Variants in NRG1 observed in about 807,000 individuals in gnomAD.
NRG1 encodes pro-neuregulin-1, membrane-bound isoform.
In NRG1, 18 loss-of-function variants were observed where a neutral mutation model predicts 63.8. That is an observed-to-expected ratio of 0.28 (90% CI 0.19 to 0.42). NRG1 has a LOEUF of 0.42. Among genes scored for constraint, NRG1 ranks in the 10% least tolerant of loss-of-function variants. NRG1 has a pLI of 1.00. For missense variants in NRG1, 762 were observed against 814.7 expected (o/e 0.94, Z 0.79); for synonymous variants, 302 against 301.3 (o/e 1.00, Z -0.02).
intron 1 of NRG1, among the ~76,000 whole-genome samples, chr8:32,409,786 G>T (rs1219812041): frequency 6.6e-6 from 1 of 152,044 alleles, no homozygotes; most frequent in Admixed American, 6.6e-5. Flanking sequence ...GTGCAAACTG[G>T]GTGATGACAT....
chr8:31,894,702 C>G (rs1831432990), intron 1 of NRG1, among the ~76,000 whole-genome samples: 1 of 151,964 alleles, frequency 6.6e-6, no homozygotes, highest in South Asian at 2.1e-4. Context: ...AGGTGCCCAC[C>G]ACCACGCCCG....
exon 11 of NRG1, chr8:32,760,372 C>T: frequency 1.2e-6 from 2 of 1,613,894 alleles, no homozygotes; most frequent in Admixed American, 1.7e-5. Flanking sequence ...CAGAGAAACC[C>T]CTGATTCCTA....
At chr8:32,724,808 A>G (rs1229441269) in intron 5 of NRG1, among the ~76,000 whole-genome samples, 1 of 152,182 alleles carries the variant, frequency 6.6e-6, no homozygotes, top group Non-Finnish European at 1.5e-5. Context: ...ATAATAATCC[A>G]TAACTGTATG....
intron 1 of NRG1, among the ~76,000 whole-genome samples, chr8:32,179,948 T>C (rs995745064): frequency 6.6e-6 from 1 of 152,192 alleles, no homozygotes; most frequent in Non-Finnish European, 1.5e-5. Flanking sequence ...ACTAAAGATG[T>C]ATACAAACCC....
intron 1 of NRG1, among the ~76,000 whole-genome samples, chr8:32,211,831 T>C (rs189822613): frequency 6.6e-6 from 1 of 152,316 alleles, no homozygotes; most frequent in Non-Finnish European, 1.5e-5. Context: ...CTGAGTTTTT[T>C]TGTTTAACTT....
chr8:32,533,530 T>G (rs1326138748), intron 1 of NRG1, among the ~76,000 whole-genome samples: 2 of 152,112 alleles, frequency 1.3e-5, no homozygotes, highest in East Asian at 3.8e-4. Flanking sequence ...TAGGATCAGG[T>G]AGAAGCTGAG....
At chr8:32,181,374 C>T (rs372320380) in intron 1 of NRG1, among the ~76,000 whole-genome samples, 1 of 152,156 alleles carries the variant, frequency 6.6e-6, no homozygotes, top group African/African-American at 2.4e-5. Context: ...TTTATTATCA[C>T]TATTAGTTTT....
intron 1 of NRG1, among the ~76,000 whole-genome samples, chr8:32,239,856 A>C (rs1307252171): frequency 6.6e-6 from 1 of 152,202 alleles, no homozygotes; most frequent in East Asian, 1.9e-4. Context: ...AAACAATGAG[A>C]TAGCACTATC....
intron 1 of NRG1, among the ~76,000 whole-genome samples, chr8:32,591,836 G>T (rs1842577210): frequency 6.6e-6 from 1 of 151,908 alleles, no homozygotes; most frequent in Non-Finnish European, 1.5e-5. Context: ...CTGCCAGTTG[G>T]GTACTATGCT....
At chr8:32,762,717 AAG>A (rs1420660609) in intron 11 of NRG1, among the ~76,000 whole-genome samples, 6 of 152,196 alleles carry the variant, frequency 3.9e-5, no homozygotes, top group African/African-American at 1.4e-4. Context: ...GTGTGAAGAA[AAG>A]AGTCATTTAG....
intron 1 of NRG1, among the ~76,000 whole-genome samples, chr8:32,142,962 T>C (rs1836443272): frequency 6.6e-6 from 1 of 152,142 alleles, no homozygotes; most frequent in Non-Finnish European, 1.5e-5. Flanking sequence ...TTAAGAAAGG[T>C]CTTAGTGTGG....
At chr8:32,008,880 T>TA (rs1814250382) in intron 1 of NRG1, among the ~76,000 whole-genome samples, 1 of 152,096 alleles carries the variant, frequency 6.6e-6, no homozygotes, top group South Asian at 2.1e-4. Flanking sequence ...ATCACTGTCA[T>TA]AATGTCAGAG....
chr8:31,911,013 C>T (rs919242592), intron 1 of NRG1, among the ~76,000 whole-genome samples: 6 of 152,122 alleles, frequency 3.9e-5, no homozygotes, highest in South Asian at 2.1e-4. Context: ...ATTTGTCTTA[C>T]TTTACTTCAT....
At chr8:31,673,740 TATAA>T in intron 1 of NRG1, among the ~76,000 whole-genome samples, 1 of 152,160 alleles carries the variant, frequency 6.6e-6, no homozygotes, top group South Asian at 2.1e-4. Context: ...CACATTACTC[TATAA>T]ATATCTTAAT....
chr8:32,371,233 A>G (rs1009808360), intron 1 of NRG1, among the ~76,000 whole-genome samples: 1 of 152,192 alleles, frequency 6.6e-6, no homozygotes, highest in African/African-American at 2.4e-5. Context: ...GAACAAAAAA[A>G]GAAAAGGGAT....
At position 32,636,600 on chromosome 8, in the gene NRG1, A is replaced by G. The variant is rs532388594; in HGVS notation, c.502+19715A>G. 3.2e-4 allele frequency among the ~76,000 whole-genome samples: 49 copies of G among 152,280 alleles called. 1 individual carries two copies. The highest frequency in any genetic ancestry group is 1.1e-3 in the African/African-American group (45 of 41,552). ...TCTAACCTTTCAGATTTTTTCAGTA[A>G]TGTGAACTTTACATTTTCTCAAGTC... On this transcript the variant is annotated intron_variant, in intron 5 of 11. Coordinates refer to ENST00000356819, the Ensembl canonical transcript of NRG1.
At chr8:32,309,630 T>A (rs925784339) in intron 1 of NRG1, among the ~76,000 whole-genome samples, 4 of 152,196 alleles carry the variant, frequency 2.6e-5, no homozygotes, top group African/African-American at 7.2e-5. Flanking sequence ...ATTGTTTTTT[T>A]TCTTTAAATA....
intron 1 of NRG1, among the ~76,000 whole-genome samples, chr8:32,586,158 CTATATA>C (rs5890660): frequency 0.13 from 18,655 of 146,072 alleles, 1,879 homozygotes; most frequent in East Asian, 0.57. Context: ...GTTGAAAGTA[CTATATA>C]TATATATATA....
chr8:32,299,025 C>CAAAAAAAA (rs34799826), intron 1 of NRG1, among the ~76,000 whole-genome samples: 6 of 59,564 alleles, frequency 1.0e-4, no homozygotes, highest in Admixed American at 6.1e-4. Flanking sequence ...GACTCTATCT[C>CAAAAAAAA]AAAAAAAAAA....
Sources: gnomAD v4.1 joint callset for allele counts (sites outside exome capture counted in the v4.1 genomes callset) on GRCh38, gnomAD v4.1.1 for gene constraint, MANE v1.5 for transcripts, NCBI Gene and HGNC (gene_info 2026-07-23, HGNC 2026-07-21) for gene names.